TTC6: variants seen among roughly 807,000 people sequenced by gnomAD.
TTC6 encodes the protein tetratricopeptide repeat domain 6.
TTC6 carries 172 observed loss-of-function variants against 210.4 expected under a neutral mutation model. That is an observed-to-expected ratio of 0.82 (90% CI 0.72 to 0.93). The LOEUF (loss-of-function observed/expected upper bound fraction) is 0.93, where lower values mean the gene tolerates loss of function less well. Ranked by LOEUF, TTC6 falls within the 40% of genes least tolerant of loss-of-function variation. The pLI is 0.00. For missense variants in TTC6, 2,414 were observed against 2,318.1 expected, an observed-to-expected ratio of 1.04 and a Z score of -0.85; for synonymous variants, 804 against 819.6, an observed-to-expected ratio of 0.98 and a Z score of 0.32.
At chr14:37,786,154 G>T (rs1448071313) in intron 14 of TTC6, among the ~76,000 whole-genome samples, 1 of 152,196 alleles carries the variant, frequency 6.6e-6, no homozygotes. Context: ...CTTCAAAGCT[G>T]TCAGACAGGG....
At chr14:37,770,830 A>G (rs1321272771) in intron 14 of TTC6, among the ~76,000 whole-genome samples, 1 of 148,468 alleles carries the variant, frequency 6.7e-6, no homozygotes, top group Non-Finnish European at 1.5e-5. Context: ...TTATGTGTGA[A>G]TTTGATCCTG....
intron 13 of TTC6, among the ~76,000 whole-genome samples, chr14:37,752,043 T>C (rs961766765): frequency 6.6e-6 from 1 of 152,056 alleles, no homozygotes; most frequent in East Asian, 1.9e-4. Flanking sequence ...GCCAGGATGG[T>C]CTCGATCTCC....
intron 1 of TTC6, among the ~76,000 whole-genome samples, chr14:37,673,200 G>T (rs2095761889): frequency 6.6e-6 from 1 of 152,170 alleles, no homozygotes; most frequent in African/African-American, 2.4e-5. Context: ...GGTAAGAACG[G>T]ATGTCAAGCA....
At chr14:37,835,911 G>C (rs1342773365) in intron 29 of TTC6, among the ~76,000 whole-genome samples, 9 of 151,612 alleles carry the variant, frequency 5.9e-5, no homozygotes. Context: ...TCTGTAAGCT[G>C]TTAAGGGGCA....
chr14:37,724,938 C>T, exon 7 of TTC6: 1 of 1,529,346 alleles, frequency 6.5e-7, no homozygotes, highest in Non-Finnish European at 8.8e-7. Context: ...TTTTGGAATA[C>T]AGCTGCACCT....
intron 23 of TTC6, among the ~76,000 whole-genome samples, 168 bp from the exon 26 acceptor site, chr14:37,808,565 T>G (rs2096123296): frequency 6.6e-6 from 1 of 152,216 alleles, no homozygotes; most frequent in South Asian, 2.1e-4. Flanking sequence ...GAGATTTTCT[T>G]AATTAACTCT....
intron 2 of TTC6, among the ~76,000 whole-genome samples, chr14:37,611,557 G>C (rs936311839): frequency 1.6e-4 from 24 of 152,150 alleles, no homozygotes; most frequent in Admixed American, 9.2e-4. Context: ...CCTTTCGTGG[G>C]AGAATGAGCA....
chr14:37,839,287 C>T (rs1197236495), intron 29 of TTC6, among the ~76,000 whole-genome samples: 2 of 152,192 alleles, frequency 1.3e-5, no homozygotes, highest in African/African-American at 4.8e-5. Flanking sequence ...TCCTGTTTCT[C>T]CACATCCTCT....
intron 14 of TTC6, among the ~76,000 whole-genome samples, chr14:37,784,848 C>G (rs866489430): frequency 1.3e-5 from 2 of 152,154 alleles, no homozygotes; most frequent in African/African-American, 4.8e-5. Flanking sequence ...ATTTGCTTGT[C>G]TGTAAAGGAT....
intron 1 of TTC6, among the ~76,000 whole-genome samples, chr14:37,625,547 TAAA>T (rs34756083): frequency 8.1e-5 from 11 of 136,384 alleles, no homozygotes; most frequent in Non-Finnish European, 7.9e-5. Flanking sequence ...AGACTTCGTC[TAAA>T]AAAAAAAAAA....
Sources: allele counts gnomAD v4.1 joint callset (sites outside exome capture counted in the v4.1 genomes callset), GRCh38; gene constraint gnomAD v4.1.1; transcripts MANE v1.5; gene names NCBI Gene and HGNC (gene_info 2026-07-23, HGNC 2026-07-21).